The following KCNN2 variants were observed in gnomAD, a reference collection of about 807,000 sequenced individuals.
KCNN2 encodes the protein potassium calcium-activated channel subfamily N member 2.
KCNN2 carries 24 observed loss-of-function variants against 55.5 expected under a neutral mutation model. The ratio of observed to expected loss-of-function variants is 0.43; its 90% CI spans 0.31 to 0.61. The LOEUF is 0.61. Ranked by LOEUF, KCNN2 falls within the 20% of genes least tolerant of loss-of-function variation. The probability of loss-of-function intolerance (pLI) is 0.08; values close to 1 mark genes in which losing one functional copy is unlikely to be tolerated. For missense variants in KCNN2, 754 were observed against 853.6 expected, an observed-to-expected ratio of 0.88 and a Z score of 1.45; for synonymous variants, 431 against 336.1, an observed-to-expected ratio of 1.28 and a Z score of -3.09.
In KCNN2 at chr5:114,496,358, T is replaced by C. The variant is rs924574565; in HGVS notation, c.*176T>C. The C allele has an allele frequency of 3.2e-6, 2 of 632,776 alleles. No homozygotes were observed. The highest frequency in any genetic ancestry group is 5.3e-6 in the Non-Finnish European group (2 of 374,818). The allele number at this position is 632,776 out of a possible 1,614,324, so 39.2% of individuals were successfully genotyped here. A position where few individuals can be genotyped will look rare whatever the true frequency, so the allele number is the denominator to read the frequency against. ...ATGAGTGAAAACTCTTTTTTTTTCT[T>C]TCAGATGCACAGGGAATGCACCTAT... On this transcript the variant is annotated 3_prime_UTR_variant, in exon 8 of 8. Coordinates refer to ENST00000673685, the MANE Select transcript of KCNN2 (RefSeq NM_021614.4).
At chr5:114,438,420 A>C (rs1760086940) in intron 3 of KCNN2, among the ~76,000 whole-genome samples, 1 of 152,138 alleles carries the variant, frequency 6.6e-6, no homozygotes, top group East Asian at 1.9e-4. Context: ...GATGGGACAT[A>C]GTGGTATTAG....
intron 2 of KCNN2, among the ~76,000 whole-genome samples, chr5:114,341,909 T>G (rs1171018256): frequency 2.6e-5 from 4 of 151,680 alleles, no homozygotes; most frequent in Non-Finnish European, 5.9e-5. Context: ...AATGTGTTTT[T>G]TTTTTTTTTT....
chr5:114,413,883 A>G (rs907324569), intron 3 of KCNN2, among the ~76,000 whole-genome samples: 11 of 152,180 alleles, frequency 7.2e-5, no homozygotes, highest in Non-Finnish European at 1.2e-4. Flanking sequence ...AATTATCCAT[A>G]TATACATCAG....
chr5:114,449,105 T>G (rs1426156344), intron 3 of KCNN2, among the ~76,000 whole-genome samples: 1 of 152,166 alleles, frequency 6.6e-6, no homozygotes, highest in African/African-American at 2.4e-5. Context: ...CTTTTTTCAT[T>G]TGGACTTCTT....
chr5:114,362,536 T>A lies in KCNN2; in HGVS notation c.397T>A (p.Ser133Thr), dbSNP rs1042220050. The change falls in exon 1 of 8, where the codon TCC (serine) becomes ACC (threonine). Residue 133 changes from serine (S) to threonine (T), a missense_variant. Ser to Thr is a moderately conservative substitution (Grantham distance 58). Around this residue, in one of 4 missense-constraint regions of KCNN2, gnomAD observed 381 missense variants for 259.1 expected, o/e 1.47. Coordinates refer to ENST00000673685, the MANE Select transcript of KCNN2 (RefSeq NM_021614.4). ...SQLNVSELTP[S>T]SHASALRQQY... is the part of the protein sequence containing the mutation. ...GCTCAATGTGAGCGAGCTGACGCCG[T>A]CCAGCCATGCCAGTGCGCTCCGGCA... is the stretch of plus-strand genomic sequence containing the variant. 49 of 548,866 alleles carry A rather than the reference T, an allele frequency of 8.9e-5. No individual in the cohort carries two copies. The highest frequency in any genetic ancestry group is 9.3e-6 in the Non-Finnish European group (3 of 324,242). 34.0% of individuals were successfully genotyped at this position (548,866 alleles called of 1,614,324 possible). A position where few individuals can be genotyped will look rare whatever the true frequency, so the allele number is the denominator to read the frequency against.
chr5:114,485,857 G>A (rs971182782), intron 5 of KCNN2, among the ~76,000 whole-genome samples: 1 of 152,154 alleles, frequency 6.6e-6, no homozygotes, highest in African/African-American at 2.4e-5. Flanking sequence ...TACCAAACCT[G>A]ATGTTTTCTT....
intron 1 of KCNN2, among the ~76,000 whole-genome samples, chr5:114,151,406 C>T (rs1402399970): frequency 1.3e-5 from 2 of 152,130 alleles, no homozygotes; most frequent in Non-Finnish European, 2.9e-5. Context: ...CAGCTCCCTT[C>T]CTTCCACTTG....
chr5:114,296,620 A>G (rs1369878971), intron 2 of KCNN2, among the ~76,000 whole-genome samples: 1 of 152,166 alleles, frequency 6.6e-6, no homozygotes, highest in Non-Finnish European at 1.5e-5. Flanking sequence ...ACACGTTCCT[A>G]AGGGAGGCCA....
At chr5:114,460,517 T>G (rs1170177941) in intron 3 of KCNN2, among the ~76,000 whole-genome samples, 1 of 152,144 alleles carries the variant, frequency 6.6e-6, no homozygotes, top group East Asian at 1.9e-4. Flanking sequence ...GTGGTAGGAT[T>G]CCAGGTGTGA....
intron 2 of KCNN2, among the ~76,000 whole-genome samples, chr5:114,393,681 T>A (rs1417027849): frequency 5.9e-5 from 9 of 152,114 alleles, no homozygotes; most frequent in Admixed American, 5.9e-4. Flanking sequence ...TATCATTAAT[T>A]TCTGGAGTAT....
intron 1 of KCNN2, among the ~76,000 whole-genome samples, chr5:114,128,039 T>C (rs1342566477): frequency 6.6e-6 from 1 of 152,194 alleles, no homozygotes; most frequent in East Asian, 1.9e-4. Context: ...TTCCAAACTG[T>C]CCCACATCTT....
intron 1 of KCNN2, among the ~76,000 whole-genome samples, chr5:114,143,715 A>G (rs139754115): frequency 0.01 from 1,597 of 152,316 alleles, 17 homozygotes; most frequent in Middle Eastern, 0.034. Flanking sequence ...TCATTCTGGC[A>G]GTCCAGCCTG....
intron 1 of KCNN2, among the ~76,000 whole-genome samples, chr5:114,206,370 C>T (rs764352639): frequency 6.6e-5 from 10 of 152,060 alleles, no homozygotes; most frequent in Admixed American, 2.6e-4. Context: ...CTAGTTAAGA[C>T]GCACCTAAAT....
intron 2 of KCNN2, among the ~76,000 whole-genome samples, chr5:114,270,659 G>A (rs1755309242): frequency 6.6e-6 from 1 of 152,108 alleles, no homozygotes; most frequent in Non-Finnish European, 1.5e-5. Context: ...CCCATTATGG[G>A]CAAGTTGGTG....
At chr5:114,448,101 T>C (rs1760493886) in intron 3 of KCNN2, among the ~76,000 whole-genome samples, 1 of 152,232 alleles carries the variant, frequency 6.6e-6, no homozygotes, top group African/African-American at 2.4e-5. Context: ...GTGATTTTTC[T>C]CCAACCATTA....
At chr5:114,141,490 C>T (rs1363063021) in intron 1 of KCNN2, among the ~76,000 whole-genome samples, 1 of 152,066 alleles carries the variant, frequency 6.6e-6, no homozygotes, top group Non-Finnish European at 1.5e-5. Context: ...CATAGTATTC[C>T]ATGGTGTATA....
chr5:114,473,307 C>T (rs1316175851), intron 5 of KCNN2, 143 bp downstream of exon 5: 3 of 649,092 alleles, frequency 4.6e-6, no homozygotes, highest in Middle Eastern at 4.1e-4. Flanking sequence ...TCCATTTTAT[C>T]ACATTTTGAG....
intron 1 of KCNN2, among the ~76,000 whole-genome samples, chr5:114,179,376 G>T (rs1380006559): frequency 6.6e-6 from 1 of 152,168 alleles, no homozygotes; most frequent in Non-Finnish European, 1.5e-5. Context: ...TCACAGCCTG[G>T]GAGCTTGCTT....
At chr5:114,242,463 A>G (rs1436995189) in intron 2 of KCNN2, among the ~76,000 whole-genome samples, 1 of 152,212 alleles carries the variant, frequency 6.6e-6, no homozygotes, top group Admixed American at 6.5e-5. Context: ...CTATTTATTT[A>G]CAAGGATATT....
Sources: gnomAD v4.1 joint callset for allele counts (sites outside exome capture counted in the v4.1 genomes callset) on GRCh38, gnomAD v4.1.1 for gene constraint, gnomAD v4.1.1 regional missense constraint, MANE v1.5 for transcripts, NCBI Gene and HGNC (gene_info 2026-07-23, HGNC 2026-07-21) for gene names.